Variants in TEX11 observed in about 807,000 individuals in gnomAD.
TEX11 encodes the protein testis-expressed protein 11.
Under a neutral mutation model 84.4 loss-of-function variants are expected in TEX11, and 7 were observed. The ratio of observed to expected loss-of-function variants is 0.08; its 90% confidence interval spans 0.05 to 0.16. TEX11 has a LOEUF of 0.16. Ranked by LOEUF, TEX11 falls within the 10% of genes least tolerant of loss-of-function variation. The probability of loss-of-function intolerance (pLI) is 1.00; values close to 1 mark genes in which losing one functional copy is unlikely to be tolerated. For missense variants in TEX11, 551 were observed against 660.5 expected, an observed-to-expected ratio of 0.83 and a Z score of 1.82; for synonymous variants, 264 against 222.8, an observed-to-expected ratio of 1.18 and a Z score of -1.64.
downstream of TEX11, among the ~76,000 whole-genome samples, chrX:70,524,498 A>T (rs908542372): frequency 4.4e-5 from 5 of 112,908 alleles, no homozygotes; most frequent in African/African-American, 1.6e-4. Context: ...CAGACTCTGC[A>T]TCCAAAAAGA....
At chrX:70,511,621 C>A in the TEX11 span, among the ~76,000 whole-genome samples, 1 of 105,251 alleles carries the variant, frequency 9.5e-6, no homozygotes, top group South Asian at 4.2e-4. Context: ...GATGTGGTGG[C>A]AAATGCCTGT....
chrX:70,795,979 G>A (rs2091153851), intron 9 of TEX11, among the ~76,000 whole-genome samples: 1 of 111,359 alleles, frequency 9.0e-6, no homozygotes, highest in Non-Finnish European at 1.9e-5. Flanking sequence ...GACCATCCAG[G>A]AAAACATGCC....
chrX:70,557,725 T>A (rs779269797), intron 25 of TEX11, among the ~76,000 whole-genome samples: 13 of 111,744 alleles, frequency 1.2e-4, no homozygotes, highest in African/African-American at 4.2e-4. Context: ...AGCTCAGTTA[T>A]TTTTTTCAGA....
chrX:70,751,456 G>A (rs191166965), intron 9 of TEX11, among the ~76,000 whole-genome samples: 1 of 88,541 alleles, frequency 1.1e-5, no homozygotes, highest in Non-Finnish European at 2.2e-5. Flanking sequence ...ACACAGGAAG[G>A]GGAGCATCAC....
At chrX:70,548,449 A>T (rs1034492836) in intron 28 of TEX11, among the ~76,000 whole-genome samples, 8 of 111,154 alleles carry the variant, frequency 7.2e-5, no homozygotes, top group African/African-American at 2.6e-4. Context: ...AATAATAAAA[A>T]ATCAGGTGAG....
chrX:70,646,400 T>C (rs866308260), intron 17 of TEX11, among the ~76,000 whole-genome samples: 3 of 111,805 alleles, frequency 2.7e-5, no homozygotes, highest in African/African-American at 9.7e-5. Flanking sequence ...CTAAAAAGCT[T>C]CCACACAGCA....
At chrX:70,870,362 G>GT (rs2091623559) in intron 4 of TEX11, among the ~76,000 whole-genome samples, 1 of 110,802 alleles carries the variant, frequency 9.0e-6, no homozygotes. Context: ...ATGAGAGGGA[G>GT]TCTTGCTCTG....
At chrX:70,595,792 G>A (rs777032340) in intron 24 of TEX11, among the ~76,000 whole-genome samples, 1 of 111,618 alleles carries the variant, frequency 9.0e-6, no homozygotes, top group South Asian at 3.8e-4. Context: ...CATAAAAATA[G>A]TAACATTAAA....
At chrX:70,654,709 CAAAAAAAAAAAAA>C (rs56822297) in intron 16 of TEX11, among the ~76,000 whole-genome samples, 1 of 37,627 alleles carries the variant, frequency 2.7e-5, no homozygotes, top group Non-Finnish European at 4.4e-5. Flanking sequence ...GACTCTGTCT[CAAAAAAAAAAAAA>C]AAAAAAAAAA....
chrX:70,825,598 T>C (rs1371827235), intron 8 of TEX11, among the ~76,000 whole-genome samples: 2 of 111,776 alleles, frequency 1.8e-5, no homozygotes, highest in Non-Finnish European at 3.8e-5. Context: ...ATATGGATGG[T>C]GAGATTTTAA....
At chrX:70,518,610 G>A in the TEX11 span, among the ~76,000 whole-genome samples, 2 of 112,041 alleles carry the variant, frequency 1.8e-5, no homozygotes, top group Non-Finnish European at 3.8e-5. Context: ...TTGATTTGGG[G>A]TGGAGAGTTC....
rs34459152 is a variant in TEX11 at position 70,878,168 on chromosome X, C to CTT, written c.159+1818_159+1819dup. On this transcript the variant is annotated intron_variant, in intron 3 of 29. Coordinates refer to ENST00000374333, the MANE Select transcript of TEX11 (RefSeq NM_031276.3). ...GGAAAAACTGGATCCCTCTATCCCT[C>CTT]TTTTTTTTTTTTTTTTTTTTTTGAG... Among the ~76,000 whole-genome samples, 712 of 72,423 alleles carry CTT rather than the reference C, an allele frequency of 9.8e-3. 16 individuals are homozygous for CTT. Among genetic ancestry groups the CTT allele is most frequent in the South Asian group, 0.026 (32 of 1,235 alleles). 62.9% of individuals were successfully genotyped at this position (72,423 alleles called of 115,157 possible). A position where few individuals can be genotyped will look rare whatever the true frequency, so the allele number is the denominator to read the frequency against.
Position 70,571,333 on chromosome X carries a change from A to G in TEX11, c.2141-16533T>C, listed in dbSNP as rs768384228. On this transcript the variant is annotated intron_variant, in intron 25 of 29. Transcript: ENST00000374333. ...TGTGCCCAGCCTGATTTTCTGTGTT[A>G]TATGTTATTTTTCATTTCTTTGTTT... Among the ~76,000 whole-genome samples the G allele has an allele frequency of 9.9e-5, 11 of 111,548 alleles. No homozygotes were observed. In the South Asian group the frequency reaches 4.2e-3, roughly 42 times the overall value.
chrX:70,626,791 T>C (rs772995470), intron 18 of TEX11, among the ~76,000 whole-genome samples: 51 of 112,455 alleles, frequency 4.5e-4, no homozygotes, highest in African/African-American at 1.6e-3. Flanking sequence ...GGCAAGCATA[T>C]TGCACTTCCG....
rs763336393 is a variant in TEX11, at chrX:70,779,937, A to G, written c.692+26768T>C. On this transcript the variant is annotated intron_variant, in intron 9 of 29. Transcript: ENST00000374333. Reference sequence around the variant, plus strand: ...CTGATGGGTTCACTGCTGAATTTCTAAAATATTTTTTAAAAAACTAATTAT... The same window carrying G: ...CTGATGGGTTCACTGCTGAATTTCTGAAATATTTTTTAAAAAACTAATTAT... Among the ~76,000 whole-genome samples the G allele has an allele frequency of 7.1e-5, 8 of 112,164 alleles. No individual in the cohort carries two copies. The South Asian group carries it at 3.0e-3, about 42-fold the overall frequency.
intron 20 of TEX11, 151 bp downstream of exon 20, chrX:70,623,799 G>A (rs2089421312): frequency 2.6e-6 from 1 of 378,993 alleles, no homozygotes; most frequent in African/African-American, 2.6e-5. Flanking sequence ...CTGGTAAGCA[G>A]CAGAGCCAGG....
chrX:70,879,539 A>C (rs1004082024), intron 3 of TEX11, among the ~76,000 whole-genome samples: 3 of 110,565 alleles, frequency 2.7e-5, no homozygotes, highest in Non-Finnish European at 5.7e-5. Flanking sequence ...AATTACCCCC[A>C]AAAAAAGCAC....
At chrX:70,842,436 T>C (rs1368637467) in intron 7 of TEX11, among the ~76,000 whole-genome samples, 1 of 111,526 alleles carries the variant, frequency 9.0e-6, no homozygotes, top group African/African-American at 3.3e-5. Flanking sequence ...CAACAACACT[T>C]CATGCTAAAA....
intron 13 of TEX11, among the ~76,000 whole-genome samples, chrX:70,717,645 G>A (rs1313447395): frequency 9.0e-6 from 1 of 111,188 alleles, no homozygotes; most frequent in Non-Finnish European, 1.9e-5. Flanking sequence ...AACAGTTAAT[G>A]TTCTGCATGC....
Sources: allele counts gnomAD v4.1 joint callset (sites outside exome capture counted in the v4.1 genomes callset), GRCh38; gene constraint gnomAD v4.1.1; transcripts MANE v1.5; gene names NCBI Gene and HGNC (gene_info 2026-07-23, HGNC 2026-07-21).